Variants in EPHB2 observed in about 807,000 individuals in gnomAD.
The protein encoded by EPHB2 is ephrin type-B receptor 2.
A neutral mutation model predicts 96.4 loss-of-function variants in EPHB2; 18 were observed. The observed-to-expected ratio is 0.19, with a 90% CI of 0.13 to 0.28. EPHB2 has a LOEUF of 0.28. Among genes scored for constraint, EPHB2 ranks in the 10% least tolerant of loss-of-function variants. EPHB2 has a pLI of 1.00. For missense variants in EPHB2, 989 were observed against 1,355.4 expected (o/e 0.73, Z 4.25); for synonymous variants, 506 against 534.1 (o/e 0.95, Z 0.72).
chr1:22,717,397 A>G (rs1342949712), intron 1 of EPHB2, among the ~76,000 whole-genome samples: 1 of 152,150 alleles, frequency 6.6e-6, no homozygotes, highest in East Asian at 1.9e-4. Flanking sequence ...CTGTCTCCCC[A>G]GTACCCCCGT....
chr1:22,856,419 G>A (rs762379178), intron 3 of EPHB2, among the ~76,000 whole-genome samples: 3 of 152,160 alleles, frequency 2.0e-5, no homozygotes, highest in Admixed American at 6.5e-5. Context: ...GCAGAAGGCC[G>A]GCGCTGGCTG....
intron 3 of EPHB2, among the ~76,000 whole-genome samples, chr1:22,819,382 G>A (rs1220443279): frequency 6.6e-6 from 1 of 152,082 alleles, no homozygotes; most frequent in Non-Finnish European, 1.5e-5. Flanking sequence ...GAAGACTGAG[G>A]TCTTCTTTAT....
At chr1:22,767,283 T>C (rs906333056) in intron 1 of EPHB2, among the ~76,000 whole-genome samples, 3 of 152,148 alleles carry the variant, frequency 2.0e-5, no homozygotes, top group Non-Finnish European at 4.4e-5. Context: ...TCTGATTCCA[T>C]GCTGCCACCT....
At chr1:22,900,733 A>G (rs934426023) in intron 9 of EPHB2, among the ~76,000 whole-genome samples, 4 of 152,198 alleles carry the variant, frequency 2.6e-5, no homozygotes, top group African/African-American at 9.6e-5. Flanking sequence ...TTAAGGCCTA[A>G]GATCCCCCTC....
At chr1:22,757,931 T>G (rs1427338588) in intron 1 of EPHB2, among the ~76,000 whole-genome samples, 1 of 45,906 alleles carries the variant, frequency 2.2e-5, no homozygotes. Context: ...TTTTTTTTTT[T>G]TTTTTGAGAC....
chr1:22,733,899 G>A lies in EPHB2; in HGVS notation c.61+22856G>A, dbSNP rs1025452340. ...TGACCTGGTATGATTTGGTGGGGAC[G>A]GAGCTAGAAGTTGAACCTGGGACTG... is the stretch of plus-strand genomic sequence containing the variant. On this transcript the variant is annotated intron_variant, in intron 1 of 15. Coordinates refer to ENST00000374630, the MANE Select transcript of EPHB2 (RefSeq NM_017449.5). The surrounding 1 kb of genome is among the most constrained non-coding windows in gnomAD (Gnocchi z 4.6). Among the ~76,000 whole-genome samples, 8 of 148,996 alleles carry A rather than the reference G, an allele frequency of 5.4e-5. No homozygotes were observed. Among genetic ancestry groups the A allele is most frequent in the South Asian group, 2.1e-4 (1 of 4,676 alleles).
chr1:22,845,538 G>A (rs1245213376), intron 3 of EPHB2, among the ~76,000 whole-genome samples: 1 of 152,088 alleles, frequency 6.6e-6, no homozygotes, highest in African/African-American at 2.4e-5. Flanking sequence ...TTTTCTCGAG[G>A]ATTAGTCCTT....
intron 1 of EPHB2, among the ~76,000 whole-genome samples, chr1:22,761,148 G>C (rs558144978): frequency 1.1e-4 from 16 of 152,256 alleles, no homozygotes; most frequent in Non-Finnish European, 2.2e-4. Context: ...TGATCTCATG[G>C]GGATCAGGGA....
At chr1:22,739,782 C>G (rs1195389484) in intron 1 of EPHB2, among the ~76,000 whole-genome samples, 2 of 152,158 alleles carry the variant, frequency 1.3e-5, no homozygotes, top group Non-Finnish European at 2.9e-5. Context: ...AGCCCAGAAG[C>G]TGGGAGTAGA....
rs757472320 is a variant in EPHB2 at position 22,912,550 on chromosome 1, G to A, written c.2803G>A (p.Ala935Thr). ...GATGGGGCAGTACAAGGAGAGCTTC[G>A]CCAATGCCGGCTTCACCTCCTTTGA... The part of the protein sequence containing the change: ...IKMGQYKESF[A>T]NAGFTSFDVV... Residue 935 changes from alanine to threonine, a missense_variant, in exon 15 of 16, where the codon GCC becomes ACC. Ala to Thr is a moderately conservative substitution (Grantham distance 58). Transcript: ENST00000374630. 3.9e-5 allele frequency: 63 copies of A among 1,613,932 alleles called. No homozygotes were observed. Among genetic ancestry groups the A allele is most frequent in the East Asian group, 3.6e-4 (16 of 44,856 alleles).
chr1:22,741,689 C>CAAAAA lies in EPHB2; in HGVS notation c.61+30649_61+30653dup, dbSNP rs1553160119. Among the ~76,000 whole-genome samples the CAAAAA allele has an allele frequency of 5.0e-4, 63 of 126,592 alleles. 7 individuals carry two copies. In the South Asian group the frequency reaches 0.015, roughly 30 times the overall value. The allele number at this position is 126,592 out of a possible 152,430, so 83.0% of individuals were successfully genotyped here. On this transcript the variant is annotated intron_variant, in intron 1 of 15. Coordinates refer to ENST00000374630, the MANE Select transcript of EPHB2 (RefSeq NM_017449.5). ...TGGTTTTCTTCCCAGCAAAAAAAAA[C>CAAAAA]AAAAAAACAAAAAACCTCAGTTTCT...
At chr1:22,738,187 T>C (rs1174783533) in intron 1 of EPHB2, among the ~76,000 whole-genome samples, 1 of 152,250 alleles carries the variant, frequency 6.6e-6, no homozygotes, top group African/African-American at 2.4e-5. Flanking sequence ...GAAGCACAGA[T>C]GGCTTTGTTC....
At chr1:22,882,325 CTCCCTGA>C in intron 5 of EPHB2, 27 bp from the exon 6 acceptor site, 1 of 1,611,876 alleles carries the variant, frequency 6.2e-7, no homozygotes, top group African/African-American at 1.3e-5. Context: ...CTTCTCATGC[CTCCCTGA>C]TCCCTGACCT....
At chr1:22,810,598 C>A (rs1391931574) in intron 3 of EPHB2, among the ~76,000 whole-genome samples, 1 of 152,208 alleles carries the variant, frequency 6.6e-6, no homozygotes, top group Non-Finnish European at 1.5e-5. Context: ...TAAATCCCCA[C>A]CTCTTGGGAG....
chr1:22,854,420 G>A (rs935470440), intron 3 of EPHB2, among the ~76,000 whole-genome samples: 1 of 152,204 alleles, frequency 6.6e-6, no homozygotes, highest in African/African-American at 2.4e-5. Flanking sequence ...GCTGAAGTGG[G>A]AGGATCACAT....
intron 9 of EPHB2, among the ~76,000 whole-genome samples, chr1:22,900,382 G>A (rs529416603): frequency 2.0e-5 from 3 of 152,296 alleles, no homozygotes; most frequent in East Asian, 3.9e-4. Context: ...GTGGCTAGAC[G>A]TACTGCGTGC....
intron 3 of EPHB2, among the ~76,000 whole-genome samples, chr1:22,817,469 G>A (rs554748657): frequency 6.6e-6 from 1 of 152,342 alleles, no homozygotes; most frequent in South Asian, 2.1e-4. Flanking sequence ...TGCCTTTTTA[G>A]TCATATGGAC....
chr1:22,774,204 G>A (rs930399555), intron 1 of EPHB2, among the ~76,000 whole-genome samples: 1 of 152,134 alleles, frequency 6.6e-6, no homozygotes, highest in Non-Finnish European at 1.5e-5. Context: ...TCTTCCTCTG[G>A]GTTTCCTGGC....
At chr1:22,788,900 G>A (rs575429127) in intron 3 of EPHB2, among the ~76,000 whole-genome samples, 7 of 151,950 alleles carry the variant, frequency 4.6e-5, no homozygotes, top group South Asian at 2.1e-4. Context: ...GATTACAGGC[G>A]TGCACCATCA....
Sources: gnomAD v4.1 joint callset for allele counts (sites outside exome capture counted in the v4.1 genomes callset) on GRCh38, gnomAD v4.1.1 for gene constraint, Gnocchi (gnomAD v3.1) non-coding constraint, MANE v1.5 for transcripts, NCBI Gene and HGNC (gene_info 2026-07-23, HGNC 2026-07-21) for gene names.